PCID2: variants seen among roughly 807,000 people sequenced by gnomAD.
The protein encoded by PCID2 is PCI domain-containing protein 2.
In PCID2, 41 loss-of-function variants were observed where a neutral mutation model predicts 61.3. The ratio of observed to expected loss-of-function variants is 0.67; its 90% CI spans 0.52 to 0.87. The LOEUF is 0.87. Among genes scored for constraint, PCID2 ranks in the 40% least tolerant of loss-of-function variants. The probability of loss-of-function intolerance (pLI) is 0.00; values close to 1 mark genes in which losing one functional copy is unlikely to be tolerated. For missense variants in PCID2, 392 were observed against 493.4 expected, an observed-to-expected ratio of 0.79 and a Z score of 1.95; for synonymous variants, 187 against 177.8, an observed-to-expected ratio of 1.05 and a Z score of -0.41.
At chr13:113,202,163 T>G (rs2039482244) in intron 1 of PCID2, among the ~76,000 whole-genome samples, 1 of 152,206 alleles carries the variant, frequency 6.6e-6, no homozygotes, top group South Asian at 2.1e-4. Context: ...AAACGCCTAC[T>G]CTCTGACCCA....
At chr13:113,187,084 G>C (rs2038182626) in intron 7 of PCID2, 1 of 152,162 alleles carries the variant, frequency 6.6e-6, no homozygotes, top group Admixed American at 6.5e-5. Flanking sequence ...TCAAACAAAA[G>C]TCTCTCAAGG....
At chr13:113,197,302 C>G in intron 3 of PCID2, 59 bp from the exon 4 acceptor site, 2 of 1,198,070 alleles carry the variant, frequency 1.7e-6, no homozygotes, top group Admixed American at 3.4e-5. Context: ...AGTTATGCAG[C>G]CCACACAGCT....
At chr13:113,183,565 T>C (rs777829672) in intron 9 of PCID2, among the ~76,000 whole-genome samples, 4 of 152,178 alleles carry the variant, frequency 2.6e-5, no homozygotes, top group Admixed American at 6.6e-5. Context: ...TACAAGCCTA[T>C]AGAATAAAAA....
rs751379841 is a variant in PCID2, at chr13:113,208,619, T to G, written c.16A>C (p.Ile6Leu). The change falls in exon 1 of 14, where the codon ATT (isoleucine) becomes CTT (leucine). Residue 6 changes from isoleucine to leucine, a missense_variant. By Grantham distance (5) the Ile-to-Leu change is conservative. Around this residue, in one of 3 missense-constraint regions of PCID2, gnomAD observed 155 missense variants for 164.9 expected, o/e 0.94. Coordinates refer to ENST00000337344, the MANE Select transcript of PCID2 (RefSeq NM_001127202.4). ...CCCACCTGCTGCAGGTACTGGTTAA[T>G]GGTAATGTGCGCCATGGGAGCGCCG... is the stretch of plus-strand genomic sequence containing the variant. The part of the protein sequence containing the change: MAHIT[I>L]NQYLQQVYEA... The G allele has an allele frequency of 5.6e-6, 9 of 1,607,416 alleles. No individual in the cohort carries two copies. The Admixed American group carries it at 6.7e-5, about 12-fold the overall frequency.
chr13:113,208,486 AG>A, intron 1 of PCID2, 112 bp downstream of exon 1: 14 of 1,540,436 alleles, frequency 9.1e-6, no homozygotes, highest in East Asian at 4.9e-5. Flanking sequence ...CCCGAACGGA[AG>A]AAGGGTGGCG....
Position 113,179,141 on chromosome 13 carries a change from C to A in PCID2, c.987-52G>T. ...GTGGTTACCGACAGGATGCAATACT[C>A]CACAGCCAAGAAAAGGCACCTCTTA... On this transcript the variant is annotated intron_variant, in intron 12 of 13. Coordinates refer to ENST00000337344, the MANE Select transcript of PCID2 (RefSeq NM_001127202.4). The surrounding 1 kb of genome is among the most constrained non-coding windows in gnomAD (Gnocchi z 4.3). 1.3e-6 allele frequency: 2 copies of A among 1,553,810 alleles called. No homozygotes were observed. Among genetic ancestry groups the A allele is most frequent in the Non-Finnish European group, 8.7e-7 (1 of 1,147,362 alleles).
intron 7 of PCID2, chr13:113,187,086 C>A (rs1490761062): frequency 6.6e-6 from 1 of 152,178 alleles, no homozygotes; most frequent in African/African-American, 2.4e-5. Context: ...AAACAAAAGT[C>A]TCTCAAGGTC....
chr13:113,171,840 C>T, the PCID2 span: 3 of 1,613,630 alleles, frequency 1.9e-6, no homozygotes, highest in South Asian at 1.1e-5. The surrounding 1 kb of genome is among the most constrained non-coding windows in gnomAD (Gnocchi z 5.1). Context: ...CTGGGCAACT[C>T]GCTGACCACG....
chr13:113,181,622 T>G (rs1239553333), intron 9 of PCID2, among the ~76,000 whole-genome samples: 1 of 152,238 alleles, frequency 6.6e-6, no homozygotes, highest in Non-Finnish European at 1.5e-5. Context: ...TACATTTTAA[T>G]CACCCATAAT....
intron 1 of PCID2, 58 bp from the exon 2 acceptor site, chr13:113,200,574 C>G: frequency 8.8e-7 from 1 of 1,134,700 alleles, no homozygotes; most frequent in Admixed American, 1.7e-5. Flanking sequence ...TCGAATAGAA[C>G]CTACAACAAT....
chr13:113,207,394 T>G (rs2039963594), intron 1 of PCID2, among the ~76,000 whole-genome samples: 2 of 152,230 alleles, frequency 1.3e-5, no homozygotes, highest in Admixed American at 6.5e-5. Flanking sequence ...TCGTATCAAA[T>G]TGGTTCTTAA....
At position 113,208,594 on chromosome 13, in the gene PCID2, C is replaced by T; in HGVS notation, c.36+5G>A. 6.2e-7 allele frequency: 1 copy of T among 1,605,332 alleles called. No individual in the cohort carries two copies. Among genetic ancestry groups the T allele is most frequent in the Non-Finnish European group, 8.5e-7 (1 of 1,176,582 alleles). On this transcript the variant is annotated splice_donor_5th_base_variant and intron_variant, in intron 1 of 13. Transcript: ENST00000337344. Reference sequence around the variant, plus strand: ...GCCGCCGCGCGCTCCCCGGCTAGGACCCACCTGCTGCAGGTACTGGTTAAT... The same window carrying T: ...GCCGCCGCGCGCTCCCCGGCTAGGATCCACCTGCTGCAGGTACTGGTTAAT...
intron 1 of PCID2, among the ~76,000 whole-genome samples, chr13:113,204,320 G>A (rs2138964784): frequency 6.6e-6 from 1 of 152,368 alleles, no homozygotes; most frequent in South Asian, 2.1e-4. Flanking sequence ...GTGACTGAAA[G>A]CTGAGAGTCC....
At chr13:113,191,956 T>C (rs1329446540) in intron 6 of PCID2, among the ~76,000 whole-genome samples, 1 of 152,132 alleles carries the variant, frequency 6.6e-6, no homozygotes, top group African/African-American at 2.4e-5. Flanking sequence ...TTAGTTTCCT[T>C]TAAAAAATGT....
intron 7 of PCID2, among the ~76,000 whole-genome samples, chr13:113,189,811 T>C (rs1332810442): frequency 6.7e-6 from 1 of 149,580 alleles, no homozygotes; most frequent in African/African-American, 2.5e-5. Context: ...TCACCTGAGG[T>C]CAGAAATTCA....
At chr13:113,184,898 A>G (rs1031477033) in intron 8 of PCID2, among the ~76,000 whole-genome samples, 1 of 151,380 alleles carries the variant, frequency 6.6e-6, no homozygotes, top group Non-Finnish European at 1.5e-5. Flanking sequence ...GCAGCCCTGC[A>G]GGAGCCCGTG....
intron 4 of PCID2, among the ~76,000 whole-genome samples, chr13:113,196,788 A>G (rs114004251): frequency 0.017 from 2,608 of 152,358 alleles, 71 homozygotes; most frequent in African/African-American, 0.058. Context: ...TTCAGCTGCC[A>G]CAATTCAATG....
At chr13:113,166,451 C>G in the PCID2 span, 8 of 152,126 alleles carry the variant, frequency 5.3e-5, no homozygotes, top group Non-Finnish European at 1.0e-4. Flanking sequence ...CCTGAGGTTT[C>G]TGTGTGTGAC....
downstream of PCID2, among the ~76,000 whole-genome samples, chr13:113,175,247 G>C (rs114687559): frequency 0.022 from 3,320 of 152,180 alleles, 111 homozygotes; most frequent in African/African-American, 0.074. Context: ...AGAGGTAAAC[G>C]TAAGGACACC....
Sources: allele counts gnomAD v4.1 joint callset (sites outside exome capture counted in the v4.1 genomes callset), GRCh38; gene constraint gnomAD v4.1.1; regional missense constraint gnomAD v4.1.1; non-coding constraint Gnocchi (gnomAD v3.1); transcripts MANE v1.5; gene names NCBI Gene and HGNC (gene_info 2026-07-23, HGNC 2026-07-21).